The following WDR24 variants were observed in gnomAD, a reference collection of about 807,000 sequenced individuals.
The protein encoded by WDR24 is GATOR2 complex protein WDR24.
WDR24 carries 32 observed loss-of-function variants against 66.7 expected under a neutral mutation model. The observed-to-expected ratio is 0.48, with a 90% CI of 0.36 to 0.64. WDR24 has a LOEUF of 0.64. Among genes scored for constraint, WDR24 ranks in the 30% least tolerant of loss-of-function variants. WDR24 has a pLI of 0.00. For missense variants in WDR24, 978 were observed against 1,144.1 expected, an observed-to-expected ratio of 0.85 and a Z score of 2.09; for synonymous variants, 565 against 469.1, an observed-to-expected ratio of 1.20 and a Z score of -2.64.
At chr16:688,583 C>A (rs895318021) in intron 1 of WDR24, among the ~76,000 whole-genome samples, 1 of 152,248 alleles carries the variant, frequency 6.6e-6, no homozygotes, top group Non-Finnish European at 1.5e-5. Context: ...TGAGCCACCG[C>A]GCCCTGCCAG....
chr16:685,713 G>A lies in WDR24; in HGVS notation c.1644C>T (p.Asp548=). 4.3e-6 allele frequency: 7 copies of A among 1,613,226 alleles called. No individual in the cohort carries two copies. Among genetic ancestry groups the A allele is most frequent in the Non-Finnish European group, 5.1e-6 (6 of 1,180,008 alleles). ...GTTCCGGATCCAGCAGGTACAGCTCGTCCTCCTCACCTTCCACGTCACCCA... is the reference window on the plus strand; with the variant it reads ...GTTCCGGATCCAGCAGGTACAGCTCATCCTCCTCACCTTCCACGTCACCCA... ...YLLGDVEGEE[D]ELYLLDPEHA... Residue 548 remains aspartate, a synonymous_variant, in exon 6 of 9, where the codon GAC becomes GAT. Transcript: ENST00000293883.
In WDR24 at chr16:690,313, G is replaced by A. The variant is rs891270175; in HGVS notation, c.-673C>T. 3 of 452,006 alleles carry A rather than the reference G, an allele frequency of 6.6e-6. No homozygotes were observed. The highest frequency in any genetic ancestry group is 4.0e-5 in the African/African-American group (2 of 49,970). 28.0% of individuals were successfully genotyped at this position (452,006 alleles called of 1,614,324 possible). A position where few individuals can be genotyped will look rare whatever the true frequency, so the allele number is the denominator to read the frequency against. On this transcript the variant is annotated 5_prime_UTR_variant, in exon 1 of 9. Coordinates refer to ENST00000293883, the MANE Select transcript of WDR24 (RefSeq NM_032259.4). ...CGGACGCTGCGGGACGAGAACCAGA[G>A]GGCCCGGGGCAGCCCTTCTCCCCCG...
At chr16:688,421 A>C (rs1230276767) in intron 1 of WDR24, among the ~76,000 whole-genome samples, 2 of 152,176 alleles carry the variant, frequency 1.3e-5, no homozygotes, top group Non-Finnish European at 1.5e-5. Context: ...CCAAGTAGCT[A>C]GGATTACAGG....
chr16:688,348 CACG>C (rs1567294672), intron 1 of WDR24, among the ~76,000 whole-genome samples: 1 of 152,216 alleles, frequency 6.6e-6, no homozygotes, highest in African/African-American at 2.4e-5. Flanking sequence ...GTGCAAGTGG[CACG>C]ATCTGGGCTC....
In WDR24 at chr16:689,632, C is replaced by T. The variant is rs775133453; in HGVS notation, c.9G>A (p.Lys3=). ...CCAGGGCTGTGGTCACACGGGACAT[C>T]TTCTCCATGGCTGCACAGGTGATGA... ME[K]MSRVTTALGG... The change falls in exon 1 of 9, where the codon AAG becomes AAA. Residue 3 remains lysine (K), a synonymous_variant. Coordinates refer to ENST00000293883, the MANE Select transcript of WDR24 (RefSeq NM_032259.4). 1 of 1,612,190 alleles carries T rather than the reference C, an allele frequency of 6.2e-7. No individual in the cohort carries two copies. Among genetic ancestry groups the T allele is most frequent in the Non-Finnish European group, 8.5e-7 (1 of 1,179,510 alleles).
chr16:689,905 C>T lies in WDR24; in HGVS notation c.-265G>A. The stretch of plus-strand genomic sequence containing the variant: ...GGGGACTTCCTAGCTTCCCTTAGGC[C>T]TGTCAGTTTCATGTCTGACTTCCAC... On this transcript the variant is annotated 5_prime_UTR_variant, in exon 1 of 9. Coordinates refer to ENST00000293883, the MANE Select transcript of WDR24 (RefSeq NM_032259.4). 1.5e-6 allele frequency: 1 copy of T among 680,668 alleles called. No individual in the cohort carries two copies. Among genetic ancestry groups the T allele is most frequent in the Non-Finnish European group, 2.7e-6 (1 of 373,492 alleles). The allele number at this position is 680,668 out of a possible 1,614,324, so 42.2% of individuals were successfully genotyped here.
At position 687,335 on chromosome 16, in the gene WDR24, A is replaced by G. The variant is rs772078653; in HGVS notation, c.741T>C (p.Cys247=). 6.2e-6 allele frequency: 10 copies of G among 1,609,548 alleles called. No individual in the cohort carries two copies. The East Asian group carries it at 6.7e-5, about 11-fold the overall frequency. Residue 247 remains cysteine, a synonymous_variant, in exon 3 of 9, where the codon TGT becomes TGC. Coordinates refer to ENST00000293883, the MANE Select transcript of WDR24 (RefSeq NM_032259.4). ...GGGCCACCGAGGCGATGGTCTGCAC[A>G]CAGTGCATCTCCTTGGCACGGTGCG... ...MTTHRAKEMH[C]VQTIASVARV...
At chr16:687,836 G>A in intron 1 of WDR24, 97 bp from the exon 2 acceptor site, 2 of 1,474,160 alleles carry the variant, frequency 1.4e-6, no homozygotes, top group Non-Finnish European at 9.2e-7. Flanking sequence ...CCTGCCTGTG[G>A]CCCAGAACAG....
chr16:686,666 G>T, intron 3 of WDR24, 78 bp downstream of exon 3: 1 of 1,487,046 alleles, frequency 6.7e-7, no homozygotes, highest in Non-Finnish European at 9.0e-7. Context: ...TTGAGGTGGG[G>T]TGAGCGCAGC....
intron 1 of WDR24, among the ~76,000 whole-genome samples, chr16:688,430 G>A (rs2039933820): frequency 6.6e-6 from 1 of 152,244 alleles, no homozygotes; most frequent in African/African-American, 2.4e-5. Flanking sequence ...TAGGATTACA[G>A]GCGCGTGCCA....
At position 685,744 on chromosome 16, in the gene WDR24, T is replaced by G; in HGVS notation, c.1613A>C (p.Tyr538Ser). 1 of 1,613,260 alleles carries G rather than the reference T, an allele frequency of 6.2e-7. No individual in the cohort carries two copies. The highest frequency in any genetic ancestry group is 8.5e-7 in the Non-Finnish European group (1 of 1,179,990). ...ETEGSDVPAD[Y>S]LLGDVEGEED... Reference sequence around the variant, plus strand: ...CTCACCTTCCACGTCACCCAGCAGGTAGTCGGCAGGTACGTCGCTGCCCTC... The same window carrying G: ...CTCACCTTCCACGTCACCCAGCAGGGAGTCGGCAGGTACGTCGCTGCCCTC... The change falls in exon 6 of 9, where the codon TAC becomes TCC. Residue 538 changes from tyrosine (Y) to serine (S), a missense_variant. Transcript: ENST00000293883.
chr16:686,113 T>C lies in WDR24; in HGVS notation c.1406A>G (p.His469Arg). The C allele has an allele frequency of 6.2e-7, 1 of 1,613,068 alleles. No homozygotes were observed. The highest frequency in any genetic ancestry group is 8.5e-7 in the Non-Finnish European group (1 of 1,179,952). Residue 469 changes from histidine to arginine, a missense_variant, in exon 4 of 9, where the codon CAC (histidine) becomes CGC (arginine). Physicochemically the swap from His to Arg is conservative, Grantham distance 29. This residue lies in a region of WDR24 where 676 missense variants were observed against 617.5 expected (regional missense o/e 1.09). Transcript: ENST00000293883. The part of the protein sequence containing the change: ...PGLVPTANLN[H>R]SVGKGGSCGL... ...ACAGGAGCCACCCTTGCCCACACTGTGGTTGAGGTTTGCAGTGGGCACTAG... is the reference window on the plus strand; with the variant it reads ...ACAGGAGCCACCCTTGCCCACACTGCGGTTGAGGTTTGCAGTGGGCACTAG...
In WDR24 at chr16:688,485, G is replaced by A. The variant is rs978130995; in HGVS notation, c.481+675C>T. Among the ~76,000 whole-genome samples the A allele has an allele frequency of 3.3e-5, 5 of 152,208 alleles. No individual in the cohort carries two copies. The East Asian group carries it at 9.6e-4, about 29-fold the overall frequency. ...TGTTTTGTATTTTTAGTGGATATGG[G>A]GTTTCCCTGTGTTAGCCAGGAGGGT... On this transcript the variant is annotated intron_variant, in intron 1 of 8. Coordinates refer to ENST00000293883, the MANE Select transcript of WDR24 (RefSeq NM_032259.4).
intron 1 of WDR24, 87 bp downstream of exon 1, chr16:689,073 G>T: frequency 6.4e-7 from 1 of 1,557,846 alleles, no homozygotes. Flanking sequence ...GAGGGCCTCT[G>T]ATGCACGGAG....
rs1219877728 is a variant in WDR24, at chr16:689,468, T to C, written c.173A>G (p.Gln58Arg). The C allele has an allele frequency of 4.3e-6, 7 of 1,613,460 alleles. No individual in the cohort carries two copies. Among genetic ancestry groups the C allele is most frequent in the Admixed American group, 1.7e-5 (1 of 60,010 alleles). Residue 58 changes from glutamine (Q) to arginine (R), a missense_variant, in exon 1 of 9, where the codon CAG becomes CGG. Gln to Arg is a conservative substitution (Grantham distance 43). Transcript: ENST00000293883. ...IFKIYAIEEE[Q>R]FVEKLNLRVG... ...ACGCAGGTTCAGCTTTTCCACGAACTGTTCCTCCTCGATGGCATAGATCTT... is the reference window on the plus strand; with the variant it reads ...ACGCAGGTTCAGCTTTTCCACGAACCGTTCCTCCTCGATGGCATAGATCTT...
At position 689,948 on chromosome 16, in the gene WDR24, C is replaced by A. The variant is rs1274515814; in HGVS notation, c.-308G>T. The A allele has an allele frequency of 3.3e-6, 2 of 603,128 alleles. No homozygotes were observed. The highest frequency in any genetic ancestry group is 6.2e-6 in the Non-Finnish European group (2 of 321,576). 37.4% of individuals were successfully genotyped at this position (603,128 alleles called of 1,614,324 possible). A position where few individuals can be genotyped will look rare whatever the true frequency, so the allele number is the denominator to read the frequency against. On this transcript the variant is annotated 5_prime_UTR_variant, in exon 1 of 9. It removes an upstream start codon present in the reference 5' UTR. Coordinates refer to ENST00000293883, the MANE Select transcript of WDR24 (RefSeq NM_032259.4). ...ACTTCCACGGAAGACTCTAGCTGGA[C>A]ATTCCCGGCCCAGGCCACCTCTCGG...
Position 687,764 on chromosome 16 carries a change from G to A in WDR24, c.482-25C>T, listed in dbSNP as rs1348291633. The A allele has an allele frequency of 5.0e-6, 8 of 1,606,902 alleles. No individual in the cohort carries two copies. In the East Asian group the frequency reaches 1.4e-4, roughly 27 times the overall value. On this transcript the variant is annotated intron_variant, in intron 1 of 8. Coordinates refer to ENST00000293883, the MANE Select transcript of WDR24 (RefSeq NM_032259.4). ...CCTGCAGGCAGGAGGTCGATGCAGG[G>A]GAAGTGACGGGGCTGGCCCATGAGG...
At position 685,264 on chromosome 16, in the gene WDR24, T is replaced by G. The variant is rs757853004; in HGVS notation, c.2012A>C (p.Gln671Pro). The change falls in exon 7 of 9, where the codon CAG becomes CCG. Residue 671 changes from glutamine (Q) to proline (P), a missense_variant. By Grantham distance (76) the Gln-to-Pro change is moderately conservative. Transcript: ENST00000293883. Reference protein sequence around the residue: ...GERVRKDIDEQTQEHWYTSYI... With the variant: ...GERVRKDIDEPTQEHWYTSYI... ...GCCCCGCCCACCACACACCTGGGTC[T>G]GCTCGTCGATGTCCTTGCGCACCCG... 1 of 1,593,658 alleles carries G rather than the reference T, an allele frequency of 6.3e-7. No individual in the cohort carries two copies. The highest frequency in any genetic ancestry group is 8.5e-7 in the Non-Finnish European group (1 of 1,169,938).
rs1353848056 is a variant in WDR24 at position 684,884 on chromosome 16, G to A, written c.2223C>T (p.Ser741=). 3 of 1,544,136 alleles carry A rather than the reference G, an allele frequency of 1.9e-6. No homozygotes were observed. The highest frequency in any genetic ancestry group is 1.4e-5 in the African/African-American group (1 of 72,828). Reference sequence around the variant, plus strand: ...CTACGTGGTGGCAGACGGCACACATGCTGGCGCAGCGGTGGCACCTGGGGG... The same window carrying A: ...CTACGTGGTGGCAGACGGCACACATACTGGCGCAGCGGTGGCACCTGGGGG... ...WVCDRCHRCA[S]MCAVCHHVVK... is the part of the protein sequence containing the mutation. The change falls in exon 9 of 9, where the codon AGC becomes AGT. Residue 741 remains serine (S), a synonymous_variant. Transcript: ENST00000293883.
Sources: allele counts gnomAD v4.1 joint callset (sites outside exome capture counted in the v4.1 genomes callset), GRCh38; gene constraint gnomAD v4.1.1; regional missense constraint gnomAD v4.1.1; transcripts MANE v1.5; gene names NCBI Gene and HGNC (gene_info 2026-07-23, HGNC 2026-07-21).